ABHD18: variants seen among roughly 807,000 people sequenced by gnomAD.
The protein encoded by ABHD18 is cardiolipin-specific deacylase, mitochondrial.
Under a neutral mutation model 65.9 loss-of-function variants are expected in ABHD18, and 55 were observed. The ratio of observed to expected loss-of-function variants is 0.84; its 90% CI spans 0.67 to 1.05. ABHD18 has a LOEUF of 1.05. ABHD18 is among the 50% of genes least tolerant of loss of function. ABHD18 has a pLI of 0.00. For synonymous variants in ABHD18, 181 were observed against 180.2 expected (o/e 1.00, Z -0.04); for missense variants, 533 against 558.5 (o/e 0.95, Z 0.46).
rs549564953 is a variant in ABHD18, at chr4:127,966,633, C to T, written c.-18+1027C>T. ...CAGCACCTTGGGAGGCCAAGGCGGG[C>T]GGATCACGAGGTCAGGAGATCGAGA... is the stretch of plus-strand genomic sequence containing the variant. On this transcript the variant is annotated intron_variant, in intron 1 of 12. Transcript: ENST00000645843. Among the ~76,000 whole-genome samples the T allele has an allele frequency of 3.8e-5, 5 of 131,858 alleles. No individual in the cohort carries two copies. In the South Asian group the frequency reaches 1.3e-3, roughly 34 times the overall value. The allele number at this position is 131,858 out of a possible 152,430, so 86.5% of individuals were successfully genotyped here. A position where few individuals can be genotyped will look rare whatever the true frequency, so the allele number is the denominator to read the frequency against.
rs899206990 is a variant in ABHD18, at chr4:128,030,679, C to T, written c.1343+7C>T. 11 of 1,575,578 alleles carry T rather than the reference C, an allele frequency of 7.0e-6. No individual in the cohort carries two copies. Among genetic ancestry groups the T allele is most frequent in the Non-Finnish European group, 9.4e-6 (11 of 1,169,416 alleles). ...TTAAACAAGGACTCTTCAGGTAAGA[C>T]GGCTGGTCTAAACATGTATTCGTTC... On this transcript the variant is annotated splice_region_variant and intron_variant, in intron 12 of 12. Coordinates refer to ENST00000645843, the MANE Select transcript of ABHD18 (RefSeq NM_001358451.3).
intron 1 of ABHD18, among the ~76,000 whole-genome samples, chr4:127,966,733 A>T (rs1056346960): frequency 4.1e-4 from 54 of 132,174 alleles, no homozygotes; most frequent in African/African-American, 1.4e-3. Context: ...AAAAAAAAAA[A>T]AAAAAGCCGG....
chr4:128,027,458 T>G (rs1757542169), intron 10 of ABHD18, among the ~76,000 whole-genome samples: 1 of 152,094 alleles, frequency 6.6e-6, no homozygotes, highest in African/African-American at 2.4e-5. Context: ...CAGGCTGAAG[T>G]GCAGTGGCAC....
Position 128,036,051 on chromosome 4 carries a change from A to G in ABHD18, c.*238A>G. On this transcript the variant is annotated 3_prime_UTR_variant, in exon 13 of 13. Coordinates refer to ENST00000645843, the MANE Select transcript of ABHD18 (RefSeq NM_001358451.3). ...TTTTACTATTGTTTATTGGAATCCCATATATTCAGTGTTTAGTCTGTTGTT... is the reference window on the plus strand; with the variant it reads ...TTTTACTATTGTTTATTGGAATCCCGTATATTCAGTGTTTAGTCTGTTGTT... 2.9e-6 allele frequency: 1 copy of G among 340,598 alleles called. No individual in the cohort carries two copies. Among genetic ancestry groups the G allele is most frequent in the East Asian group, 4.4e-5 (1 of 22,514 alleles). The allele number at this position is 340,598 out of a possible 1,614,324, so 21.1% of individuals were successfully genotyped here. A position where few individuals can be genotyped will look rare whatever the true frequency, so the allele number is the denominator to read the frequency against.
intron 1 of ABHD18, among the ~76,000 whole-genome samples, chr4:127,966,685 C>A (rs1745501529): frequency 9.3e-6 from 1 of 107,962 alleles, no homozygotes; most frequent in Non-Finnish European, 1.7e-5. Flanking sequence ...GGTGAAACCC[C>A]GTCTCTACTA....
chr4:128,011,238 CCCA>C, intron 6 of ABHD18, among the ~76,000 whole-genome samples: 1 of 151,610 alleles, frequency 6.6e-6, no homozygotes. Flanking sequence ...GGCTCCGCCC[CCCA>C]GGGTTCACAC....
intron 1 of ABHD18, among the ~76,000 whole-genome samples, chr4:127,971,482 CTTTTTTTTTTTTTTT>C (rs1156788634): frequency 7.5e-4 from 39 of 51,930 alleles, no homozygotes; most frequent in African/African-American, 2.6e-3. Context: ...CCAGAGTTGG[CTTTTTTTTTTTTTTT>C]TTTTTTTTTT....
At chr4:128,018,870 C>A (rs1293975990) in intron 8 of ABHD18, among the ~76,000 whole-genome samples, 1 of 151,792 alleles carries the variant, frequency 6.6e-6, no homozygotes, top group East Asian at 1.9e-4. Flanking sequence ...AAAAACTAGC[C>A]GGGTGTGGTG....
chr4:128,034,041 C>T (rs1385242518), intron 12 of ABHD18, among the ~76,000 whole-genome samples: 1 of 149,264 alleles, frequency 6.7e-6, no homozygotes, highest in Non-Finnish European at 1.5e-5. Flanking sequence ...TCACTGCATC[C>T]TCCGCCTCCC....
chr4:128,015,886 A>G (rs1755393480), intron 7 of ABHD18, among the ~76,000 whole-genome samples: 1 of 151,990 alleles, frequency 6.6e-6, no homozygotes, highest in African/African-American at 2.4e-5. Flanking sequence ...TTTAGTAATA[A>G]TATATATTTA....
intron 1 of ABHD18, among the ~76,000 whole-genome samples, chr4:127,973,073 G>T (rs1019911525): frequency 6.6e-6 from 1 of 152,062 alleles, no homozygotes; most frequent in Non-Finnish European, 1.5e-5. Context: ...GAGTGCGGTG[G>T]TGTGATCCTG....
rs1175240952 is a variant in ABHD18 at position 128,017,404 on chromosome 4, G to A, written c.512G>A (p.Gly171Glu). 10 of 1,613,858 alleles carry A rather than the reference G, an allele frequency of 6.2e-6. No individual in the cohort carries two copies. The highest frequency in any genetic ancestry group is 8.5e-6 in the Non-Finnish European group (10 of 1,179,830). ...AATGTGTCCGACCTTTTTGTGATGG[G>A]AGGAGCTCTTGTTTTAGAATCTGCA... ...LKNVSDLFVM[G>E]GALVLESAAL... Residue 171 changes from glycine (G) to glutamate (E), a missense_variant, in exon 8 of 13, where the codon GGA (glycine) becomes GAA (glutamate). By Grantham distance (98) the Gly-to-Glu change is moderately conservative. Transcript: ENST00000645843.
At position 128,029,594 on chromosome 4, in the gene ABHD18, C is replaced by T. The variant is rs141663388; in HGVS notation, c.1180+741C>T. On this transcript the variant is annotated intron_variant, in intron 11 of 12. Coordinates refer to ENST00000645843, the MANE Select transcript of ABHD18 (RefSeq NM_001358451.3). ...ATCCCAGTGCTTTGGGAGGCCAAGGCGGGTGGATCACTTGAGGTCAGGAGT... is the reference window on the plus strand; with the variant it reads ...ATCCCAGTGCTTTGGGAGGCCAAGGTGGGTGGATCACTTGAGGTCAGGAGT... Among the ~76,000 whole-genome samples, 787 of 152,220 alleles carry T rather than the reference C, an allele frequency of 5.2e-3. 10 individuals are homozygous for T. Among genetic ancestry groups the T allele is most frequent in the African/African-American group, 0.018 (756 of 41,544 alleles).
intron 3 of ABHD18, among the ~76,000 whole-genome samples, chr4:127,984,855 C>A (rs986873000): frequency 6.6e-6 from 1 of 152,114 alleles, no homozygotes; most frequent in Admixed American, 6.5e-5. Context: ...AGTGAAACTC[C>A]GTCTCAAAAA....
intron 10 of ABHD18, among the ~76,000 whole-genome samples, chr4:128,024,563 C>T (rs2149177056): frequency 6.6e-6 from 1 of 152,308 alleles, no homozygotes; most frequent in Admixed American, 6.5e-5. Context: ...ATTGATGTCC[C>T]ACTCTGAGTA....
chr4:128,033,068 A>T (rs532281200), intron 12 of ABHD18, among the ~76,000 whole-genome samples: 5 of 152,090 alleles, frequency 3.3e-5, no homozygotes, highest in Admixed American at 3.3e-4. Flanking sequence ...CCTGGCTAAC[A>T]TGGTGAAACC....
chr4:127,994,314 G>T lies in ABHD18; in HGVS notation c.278+4493G>T, dbSNP rs567733788. On this transcript the variant is annotated intron_variant, in intron 4 of 12. Coordinates refer to ENST00000645843, the MANE Select transcript of ABHD18 (RefSeq NM_001358451.3). ...TAATATTTTAAAACATAGCATTCAG[G>T]CCAGGCTTGGTGGCTCATGCCTGTA... 8.5e-5 allele frequency among the ~76,000 whole-genome samples: 13 copies of T among 152,248 alleles called. No individual in the cohort carries two copies. The East Asian group carries it at 1.2e-3, about 14-fold the overall frequency.
At position 128,028,533 on chromosome 4, in the gene ABHD18, A is replaced by G; in HGVS notation, c.860A>G (p.Lys287Arg). The G allele has an allele frequency of 6.2e-7, 1 of 1,609,374 alleles. No homozygotes were observed. The highest frequency in any genetic ancestry group is 8.5e-7 in the Non-Finnish European group (1 of 1,177,586). Residue 287 changes from lysine (K) to arginine (R), a missense_variant, in exon 11 of 13, where the codon AAG (lysine) becomes AGG (arginine). Around this residue, in one of 3 missense-constraint regions of ABHD18, gnomAD observed 220 missense variants for 226.8 expected, o/e 0.97. Transcript: ENST00000645843. ...FVKHFTSSAD[K>R]LTNLNLVSRT... ...AAACACTTCACTAGCAGTGCAGACAAGCTAACTAACCTTAATCTGGTTTCC... is the reference window on the plus strand; with the variant it reads ...AAACACTTCACTAGCAGTGCAGACAGGCTAACTAACCTTAATCTGGTTTCC...
At chr4:128,033,662 A>T (rs1758524208) in intron 12 of ABHD18, among the ~76,000 whole-genome samples, 1 of 150,884 alleles carries the variant, frequency 6.6e-6, no homozygotes, top group Admixed American at 6.7e-5. Flanking sequence ...CAGCCTCTGC[A>T]GTAGCTGGGA....
Sources: gnomAD v4.1 joint callset for allele counts (sites outside exome capture counted in the v4.1 genomes callset) on GRCh38, gnomAD v4.1.1 for gene constraint, gnomAD v4.1.1 regional missense constraint, MANE v1.5 for transcripts, NCBI Gene and HGNC (gene_info 2026-07-23, HGNC 2026-07-21) for gene names.